The following PTPN12 variants were observed in gnomAD, a reference collection of about 807,000 sequenced individuals.
The protein encoded by PTPN12 is protein tyrosine phosphatase non-receptor type 12.
Under a neutral mutation model 97.6 loss-of-function variants are expected in PTPN12, and 29 were observed. That is an observed-to-expected ratio of 0.30 (90% CI 0.22 to 0.41). The LOEUF is 0.41. Ranked by LOEUF, PTPN12 falls within the 10% of genes least tolerant of loss-of-function variation. The probability of loss-of-function intolerance (pLI) is 1.00; values close to 1 mark genes in which losing one functional copy is unlikely to be tolerated. For missense variants in PTPN12, 819 were observed against 926.0 expected, an observed-to-expected ratio of 0.88 and a Z score of 1.50; for synonymous variants, 327 against 300.4, an observed-to-expected ratio of 1.09 and a Z score of -0.91.
chr7:77,596,275 G>A (rs1788020604), intron 6 of PTPN12, among the ~76,000 whole-genome samples: 1 of 151,472 alleles, frequency 6.6e-6, no homozygotes, highest in South Asian at 2.1e-4. Flanking sequence ...TTTTCTTCAA[G>A]TTTCTTAGTT....
intron 6 of PTPN12, 123 bp from the exon 7 acceptor site, chr7:77,597,719 G>T: frequency 1.7e-6 from 2 of 1,210,656 alleles, no homozygotes; most frequent in East Asian, 5.7e-5. Flanking sequence ...TAATTATCAG[G>T]TACATCTGGA....
At position 77,584,594 on chromosome 7, in the gene PTPN12, T is replaced by G. The variant is rs562223537; in HGVS notation, c.381+944T>G. Among the ~76,000 whole-genome samples the G allele has an allele frequency of 2.0e-5, 3 of 152,226 alleles. No homozygotes were observed. The East Asian group carries it at 5.8e-4, about 29-fold the overall frequency. ...AACAATATAAAAATTATGTTCTAGA[T>G]TGGCCGCGTGGGGTGGCTCATGCCT... is the stretch of plus-strand genomic sequence containing the variant. On this transcript the variant is annotated intron_variant, in intron 4 of 17. Coordinates refer to ENST00000248594, the MANE Select transcript of PTPN12 (RefSeq NM_002835.4).
In PTPN12 at chr7:77,585,434, G is replaced by A. The variant is rs914446491; in HGVS notation, c.382-109G>A. 9 of 874,066 alleles carry A rather than the reference G, an allele frequency of 1.0e-5. No individual in the cohort carries two copies. In the East Asian group the frequency reaches 2.3e-4, roughly 22 times the overall value. The allele number at this position is 874,066 out of a possible 1,614,324, so 54.1% of individuals were successfully genotyped here. A position where few individuals can be genotyped will look rare whatever the true frequency, so the allele number is the denominator to read the frequency against. On this transcript the variant is annotated intron_variant, in intron 4 of 17. Transcript: ENST00000248594. Reference sequence around the variant, plus strand: ...ATATTGAAACTACTTTTTTAGGCAAGCCAATTATACTTCTCGGTGCAAAAT... The same window carrying A: ...ATATTGAAACTACTTTTTTAGGCAAACCAATTATACTTCTCGGTGCAAAAT...
chr7:77,604,925 T>C (rs1562742922), intron 8 of PTPN12: 1 of 416,622 alleles, frequency 2.4e-6, no homozygotes, highest in African/African-American at 2.0e-5. Context: ...CTCTGGAGAA[T>C]TCACTGTTAT....
intron 5 of PTPN12, among the ~76,000 whole-genome samples, chr7:77,588,627 A>G (rs773964020): frequency 3.3e-5 from 5 of 152,218 alleles, no homozygotes; most frequent in African/African-American, 4.8e-5. Context: ...GGGTTGCCAC[A>G]AAACTTCAAT....
Position 77,625,563 on chromosome 7 carries a change from CTCTTTTTTTTT to C in PTPN12, c.1026-1140_1026-1130del, listed in dbSNP as rs1213263007. On this transcript the variant is annotated intron_variant, in intron 12 of 17. Coordinates refer to ENST00000248594, the MANE Select transcript of PTPN12 (RefSeq NM_002835.4). ...TCGCGCTCTCTCTCTCGCTCTCTCTCTCTTTTTTTTTTTTTTTTTTTTTTTGGAGACAGTCT... is the reference window on the plus strand; with the variant it reads ...TCGCGCTCTCTCTCTCGCTCTCTCTCTTTTTTTTTTTTTTGGAGACAGTCT... Among the ~76,000 whole-genome samples the C allele has an allele frequency of 1.4e-3, 39 of 27,784 alleles. 4 individuals are homozygous for C. The East Asian group carries it at 0.062, about 45-fold the overall frequency. 18.2% of individuals were successfully genotyped at this position (27,784 alleles called of 152,430 possible).
At chr7:77,573,354 C>T (rs1787225815) in intron 2 of PTPN12, among the ~76,000 whole-genome samples, 2 of 152,118 alleles carry the variant, frequency 1.3e-5, no homozygotes, top group African/African-American at 4.8e-5. Flanking sequence ...AGCAGATATG[C>T]TGTCTAGTGA....
intron 5 of PTPN12, among the ~76,000 whole-genome samples, chr7:77,590,909 C>T (rs1584155706): frequency 6.6e-6 from 1 of 152,036 alleles, no homozygotes; most frequent in African/African-American, 2.4e-5. Context: ...TGGTGGCACA[C>T]GCCTGTGGTC....
At chr7:77,624,169 A>G (rs1271050618) in intron 12 of PTPN12, among the ~76,000 whole-genome samples, 1 of 152,064 alleles carries the variant, frequency 6.6e-6, no homozygotes, top group African/African-American at 2.4e-5. Flanking sequence ...TGGGAGGCTA[A>G]ACTGGGAGGA....
chr7:77,547,479 G>A (rs573752368), intron 1 of PTPN12, among the ~76,000 whole-genome samples: 1 of 152,302 alleles, frequency 6.6e-6, no homozygotes, highest in South Asian at 2.1e-4. Context: ...CTAGTGGAAA[G>A]ATAAGGAGTT....
Position 77,574,199 on chromosome 7 carries a change from A to G in PTPN12, c.208+3013A>G, listed in dbSNP as rs570474930. Among the ~76,000 whole-genome samples, 148 of 152,272 alleles carry G rather than the reference A, an allele frequency of 9.7e-4. 1 individual carries two copies. The highest frequency in any genetic ancestry group is 3.5e-3 in the African/African-American group (146 of 41,560). On this transcript the variant is annotated intron_variant, in intron 2 of 17. Transcript: ENST00000248594. ...TAGTGTTATTGAGAGTGTGGTTCGA[A>G]TGAGGGATAGGGAGAAAGCAGAGAA...
rs781383945 is a variant in PTPN12, at chr7:77,635,888, T to C, written c.2142+39T>C. The C allele has an allele frequency of 9.6e-6, 13 of 1,349,156 alleles. No individual in the cohort carries two copies. In the East Asian group the frequency reaches 3.2e-4, roughly 33 times the overall value. 83.6% of individuals were successfully genotyped at this position (1,349,156 alleles called of 1,614,324 possible). On this transcript the variant is annotated intron_variant, in intron 15 of 17. Transcript: ENST00000248594. ...GAATTGGAACAGTTATAGCTTAACA[T>C]TTCTACTCTTTTGTTAACTAATCTT...
chr7:77,625,536 A>G (rs6953999), intron 12 of PTPN12, among the ~76,000 whole-genome samples: 691 of 17,572 alleles, frequency 0.039, 177 homozygotes, highest in Middle Eastern at 0.19. Context: ...TCTCACTCTC[A>G]CTCGCGCTCT....
chr7:77,537,818 T>TC (rs1004268650), intron 1 of PTPN12, among the ~76,000 whole-genome samples, 173 bp downstream of exon 1: 1 of 151,176 alleles, frequency 6.6e-6, no homozygotes, highest in Non-Finnish European at 1.5e-5. Flanking sequence ...CGAGAGCGCC[T>TC]CCCCCCGTGG....
At chr7:77,569,771 AAAAC>A (rs557489950) in intron 1 of PTPN12, among the ~76,000 whole-genome samples, 25 of 152,296 alleles carry the variant, frequency 1.6e-4, no homozygotes, top group Non-Finnish European at 3.1e-4. Flanking sequence ...ATCCTGTCTC[AAAAC>A]AAACAAACAA....
chr7:77,555,914 C>CA (rs541364073), intron 1 of PTPN12, among the ~76,000 whole-genome samples: 117 of 142,682 alleles, frequency 8.2e-4, no homozygotes, highest in African/African-American at 2.2e-3. Flanking sequence ...GACTCCGTCT[C>CA]AAAAAAAAAA....
At chr7:77,541,916 AT>A (rs1228792913) in intron 1 of PTPN12, among the ~76,000 whole-genome samples, 1 of 152,216 alleles carries the variant, frequency 6.6e-6, no homozygotes, top group Non-Finnish European at 1.5e-5. Flanking sequence ...CTGATCCAGA[AT>A]TTGATCTCAA....
chr7:77,546,208 A>C (rs919309821), intron 1 of PTPN12, among the ~76,000 whole-genome samples: 3 of 152,224 alleles, frequency 2.0e-5, no homozygotes, highest in African/African-American at 4.8e-5. Flanking sequence ...ATTTAAAATG[A>C]CTTCACCATG....
chr7:77,633,658 T>C (rs142558065), intron 14 of PTPN12, among the ~76,000 whole-genome samples: 384 of 151,932 alleles, frequency 2.5e-3, no homozygotes, highest in Middle Eastern at 0.01. Flanking sequence ...TTGCTTTCCT[T>C]AGATTTAGGT....
Sources: allele counts gnomAD v4.1 joint callset (sites outside exome capture counted in the v4.1 genomes callset), GRCh38; gene constraint gnomAD v4.1.1; transcripts MANE v1.5; gene names NCBI Gene and HGNC (gene_info 2026-07-23, HGNC 2026-07-21).